The following DCHS2 variants were observed in gnomAD, a reference collection of about 807,000 sequenced individuals.
DCHS2 encodes the protein protocadherin-23.
In DCHS2, 142 loss-of-function variants were observed where a neutral mutation model predicts 182.4. The observed-to-expected ratio is 0.78, with a 90% CI of 0.68 to 0.89. The LOEUF is 0.89. Among genes scored for constraint, DCHS2 ranks in the 40% least tolerant of loss-of-function variants. DCHS2 has a pLI of 0.00. For synonymous variants in DCHS2, 1,740 were observed against 1,663.3 expected, an observed-to-expected ratio of 1.05 and a Z score of -1.12; for missense variants, 4,319 against 4,198.6, an observed-to-expected ratio of 1.03 and a Z score of -0.79.
intron 1 of DCHS2, among the ~76,000 whole-genome samples, chr4:154,409,863 CA>C (rs2110889095): frequency 6.6e-6 from 1 of 152,310 alleles, no homozygotes; most frequent in East Asian, 1.9e-4. Context: ...ACCACTGCCA[CA>C]AACTCCTGTA....
rs867647403 is a variant in DCHS2 at position 154,233,690 on chromosome 4, C to A, written c.*846G>T. 1 of 151,950 alleles carries A rather than the reference C, an allele frequency of 6.6e-6. No individual in the cohort carries two copies. 9.4% of individuals were successfully genotyped at this position (151,950 alleles called of 1,614,324 possible). On this transcript the variant is annotated 3_prime_UTR_variant, in exon 20 of 20. Transcript: ENST00000357232. ...TAACCTTTGAAGTTTAATGTCTTTA[C>A]CCACACCTACTTATAAGACAAGACC...
In DCHS2 at chr4:154,236,883, A is replaced by G. The variant is rs1202234096; in HGVS notation, c.7769T>C (p.Ile2590Thr). The G allele has an allele frequency of 6.2e-7, 1 of 1,614,086 alleles. No homozygotes were observed. The highest frequency in any genetic ancestry group is 1.3e-5 in the African/African-American group (1 of 75,056). Residue 2590 changes from isoleucine to threonine, a missense_variant, in exon 20 of 20, where the codon ATC becomes ACC. Ile to Thr is a moderately conservative substitution (Grantham distance 89). Coordinates refer to ENST00000357232, the MANE Select transcript of DCHS2 (RefSeq NM_001358235.2). ...AAAATTGTTCTGTGAATTACCACTG[A>G]TGATGGAATATTCAACATATGTGTT... ...RENTYVEYSI[I>T]SGNSQNNFHV... is the part of the protein sequence containing the mutation.
intron 1 of DCHS2, among the ~76,000 whole-genome samples, chr4:154,441,569 T>A (rs116722240): frequency 0.46 from 69,366 of 151,348 alleles, 16,366 homozygotes; most frequent in Middle Eastern, 0.68. Context: ...TCAGAAAAGT[T>A]TTTTCCTATT....
chr4:154,489,666 A>T lies in DCHS2; in HGVS notation c.1690T>A (p.Ser564Thr). 1 of 1,551,616 alleles carries T rather than the reference A, an allele frequency of 6.4e-7. No individual in the cohort carries two copies. Among genetic ancestry groups the T allele is most frequent in the Non-Finnish European group, 8.7e-7 (1 of 1,146,922 alleles). Residue 564 changes from serine (S) to threonine (T), a missense_variant, in exon 1 of 20, where the codon TCC becomes ACC. Ser to Thr is a moderately conservative substitution (Grantham distance 58). Transcript: ENST00000357232. ...PGTVVMWVSA[S>T]DADEAGSDHA... ...TCACTGCCTGCCTCGTCGGCATCGG[A>T]GGCGCTGACCCACATGACTACAGTG...
At chr4:154,400,065 AG>A (rs1225589481) in intron 1 of DCHS2, among the ~76,000 whole-genome samples, 1 of 152,130 alleles carries the variant, frequency 6.6e-6, no homozygotes, top group Non-Finnish European at 1.5e-5. Context: ...GCACTTTGGG[AG>A]GCCGAGGCGG....
chr4:154,258,012 G>A (rs1732782300), intron 15 of DCHS2, among the ~76,000 whole-genome samples: 1 of 152,176 alleles, frequency 6.6e-6, no homozygotes. Flanking sequence ...CCCCAGTGTG[G>A]GGATCCTCTT....
intron 1 of DCHS2, among the ~76,000 whole-genome samples, chr4:154,448,403 C>T (rs976176941): frequency 6.6e-6 from 1 of 152,088 alleles, no homozygotes; most frequent in African/African-American, 2.4e-5. Flanking sequence ...AGCAAGTAAC[C>T]CAAGAGTTCT....
At chr4:154,334,170 T>C (rs1449215449) in intron 4 of DCHS2, 1 of 152,584 alleles carries the variant, frequency 6.6e-6, no homozygotes, top group Admixed American at 6.5e-5. Context: ...TTGATGTTAC[T>C]CTATTATATC....
intron 9 of DCHS2, among the ~76,000 whole-genome samples, chr4:154,316,837 A>G (rs1735872666): frequency 6.6e-6 from 1 of 152,156 alleles, no homozygotes; most frequent in Non-Finnish European, 1.5e-5. Flanking sequence ...ACACTTCACA[A>G]GTAAAATGTG....
At chr4:154,351,999 T>G (rs577806005) in intron 3 of DCHS2, among the ~76,000 whole-genome samples, 2 of 152,130 alleles carry the variant, frequency 1.3e-5, no homozygotes, top group East Asian at 1.9e-4. Flanking sequence ...TATAGCTAGG[T>G]GCATTCAACT....
intron 3 of DCHS2, among the ~76,000 whole-genome samples, chr4:154,339,935 T>C (rs1244517030): frequency 2.0e-5 from 3 of 152,200 alleles, no homozygotes; most frequent in Non-Finnish European, 2.9e-5. Context: ...TTAAGGGAAG[T>C]CATCTTTGTG....
intron 1 of DCHS2, among the ~76,000 whole-genome samples, chr4:154,483,453 T>C (rs757597923): frequency 2.6e-5 from 4 of 152,002 alleles, no homozygotes; most frequent in Non-Finnish European, 5.9e-5. Flanking sequence ...GAAGTAACAA[T>C]AAGGACATCA....
At chr4:154,384,474 G>C (rs1048786210) in intron 1 of DCHS2, 8 of 1,584,914 alleles carry the variant, frequency 5.0e-6, no homozygotes, top group Non-Finnish European at 6.9e-6. Flanking sequence ...CTGACTGCTT[G>C]TAGGGGACTG....
At chr4:154,263,686 G>GAA (rs200534854) in intron 14 of DCHS2, among the ~76,000 whole-genome samples, 108 of 103,944 alleles carry the variant, frequency 1.0e-3, no homozygotes, top group African/African-American at 3.3e-3. Context: ...GGCCATTATT[G>GAA]AAAAAAAAAA....
chr4:154,416,893 G>A (rs1013090993), intron 1 of DCHS2, among the ~76,000 whole-genome samples: 3 of 152,032 alleles, frequency 2.0e-5, no homozygotes, highest in Non-Finnish European at 4.4e-5. Context: ...TTTCCCAGAT[G>A]TTTTTACACT....
chr4:154,268,535 G>A (rs1733412829), intron 14 of DCHS2, among the ~76,000 whole-genome samples: 1 of 152,120 alleles, frequency 6.6e-6, no homozygotes, highest in Non-Finnish European at 1.5e-5. Flanking sequence ...CATATGAATT[G>A]TTTATTTCTG....
intron 1 of DCHS2, among the ~76,000 whole-genome samples, chr4:154,409,325 C>T (rs1042744610): frequency 5.3e-5 from 8 of 152,302 alleles, no homozygotes; most frequent in South Asian, 2.1e-4. Context: ...CATGTCCCAT[C>T]ATCCCAGGGT....
chr4:154,305,590 C>A (rs769608335), intron 10 of DCHS2, among the ~76,000 whole-genome samples: 1 of 152,154 alleles, frequency 6.6e-6, no homozygotes, highest in Non-Finnish European at 1.5e-5. Context: ...GCTTGCAGGG[C>A]AAATGACAAT....
chr4:154,490,580 G>A lies in DCHS2; in HGVS notation c.776C>T (p.Ala259Val), dbSNP rs1309852786. 1 of 1,544,470 alleles carries A rather than the reference G, an allele frequency of 6.5e-7. No homozygotes were observed. Among genetic ancestry groups the A allele is most frequent in the Admixed American group, 2.0e-5 (1 of 50,934 alleles). Residue 259 changes from alanine (A) to valine (V), a missense_variant, in exon 1 of 20, where the codon GCG becomes GTG. Coordinates refer to ENST00000357232, the MANE Select transcript of DCHS2 (RefSeq NM_001358235.2). ...VLLRRLDREE[A>V]AAHRLQIEAW... ...CTCGATCTGCAGCCGGTGCGCCGCC[G>A]CCTCCTCTCGGTCCAAGCGCCGCAG...
Sources: allele counts gnomAD v4.1 joint callset (sites outside exome capture counted in the v4.1 genomes callset), GRCh38; gene constraint gnomAD v4.1.1; transcripts MANE v1.5; gene names NCBI Gene and HGNC (gene_info 2026-07-23, HGNC 2026-07-21).